Variants in ABCA13 observed in about 807,000 individuals in gnomAD.
ABCA13 encodes ATP-binding cassette sub-family A member 13.
In ABCA13, 476 loss-of-function variants were observed where a neutral mutation model predicts 478.7. The ratio of observed to expected loss-of-function variants is 0.99; its 90% CI spans 0.92 to 1.07. The LOEUF is 1.07. ABCA13 is among the 50% of genes least tolerant of loss of function. The pLI is 0.00. For synonymous variants in ABCA13, 2,252 were observed against 2,158.9 expected, an observed-to-expected ratio of 1.04 and a Z score of -1.20; for missense variants, 6,060 against 5,910.6, an observed-to-expected ratio of 1.03 and a Z score of -0.83.
chr7:48,583,385 T>G (rs762359124), intron 56 of ABCA13, among the ~76,000 whole-genome samples: 7 of 152,208 alleles, frequency 4.6e-5, no homozygotes, highest in Non-Finnish European at 1.0e-4. Flanking sequence ...CGACTCATTT[T>G]GGTCTTTAAT....
At chr7:48,242,797 A>G (rs536158103) in intron 10 of ABCA13, among the ~76,000 whole-genome samples, 29 of 152,292 alleles carry the variant, frequency 1.9e-4, no homozygotes, top group Admixed American at 1.1e-3. Context: ...AGAAAATTGT[A>G]TATCTTTTAT....
At chr7:48,348,654 C>A (rs777257240) in intron 29 of ABCA13, among the ~76,000 whole-genome samples, 4 of 152,176 alleles carry the variant, frequency 2.6e-5, no homozygotes, top group Non-Finnish European at 4.4e-5. Context: ...GTTAATTGAT[C>A]TTATTTACTA....
At position 48,239,403 on chromosome 7, in the gene ABCA13, C is replaced by A. The variant is rs771029431; in HGVS notation, c.1060C>A (p.Gln354Lys). Residue 354 changes from glutamine to lysine, a missense_variant and splice_region_variant, in exon 9 of 62, where the codon CAG (glutamine) becomes AAG (lysine). By Grantham distance (53) the Gln-to-Lys change is moderately conservative. This residue lies in a region of ABCA13 where 4,423 missense variants were observed against 4,309.1 expected (regional missense o/e 1.03). Transcript: ENST00000435803. ...HAVSWLRVYQ[Q>K]VFVQWQQGSL... ...AGTCAGCTGGCTGCGAGTCTACCAA[C>A]AGGTGCTGTCCCCTCTCTCTATGTT... 1.9e-6 allele frequency: 3 copies of A among 1,611,490 alleles called. No homozygotes were observed. The highest frequency in any genetic ancestry group is 1.1e-5 in the South Asian group (1 of 90,632).
chr7:48,323,388 T>G (rs17712671), intron 27 of ABCA13, among the ~76,000 whole-genome samples: 28,659 of 152,154 alleles, frequency 0.19, 2,889 homozygotes, highest in African/African-American at 0.26. Flanking sequence ...TGGTGTTAAA[T>G]ATACAAGGGA....
chr7:48,533,518 G>T (rs1273838834), intron 55 of ABCA13, among the ~76,000 whole-genome samples: 1 of 151,980 alleles, frequency 6.6e-6, no homozygotes, highest in Non-Finnish European at 1.5e-5. Flanking sequence ...ATTTGTTCTA[G>T]GGTATAGTTT....
At chr7:48,480,421 C>A (rs1263700073) in intron 45 of ABCA13, among the ~76,000 whole-genome samples, 1 of 147,716 alleles carries the variant, frequency 6.8e-6, no homozygotes, top group Non-Finnish European at 1.5e-5. Context: ...AATATATCAT[C>A]TTTTCTGAAA....
intron 27 of ABCA13, among the ~76,000 whole-genome samples, chr7:48,331,021 C>G (rs1805313870): frequency 6.6e-6 from 1 of 152,060 alleles, no homozygotes; most frequent in Non-Finnish European, 1.5e-5. Context: ...CTGCCCCATT[C>G]CCCTTTGATG....
intron 6 of ABCA13, 71 bp downstream of exon 6, chr7:48,227,496 T>A (rs1390831595): frequency 1.3e-5 from 20 of 1,493,432 alleles, no homozygotes. Context: ...AAATGAGAAA[T>A]AAAAATTACT....
chr7:48,172,737 G>C (rs890106757), intron 1 of ABCA13, among the ~76,000 whole-genome samples: 36 of 138,442 alleles, frequency 2.6e-4, no homozygotes, highest in African/African-American at 9.2e-4. Context: ...GGCGGAGCTT[G>C]CAGTGAGCCG....
In ABCA13 at chr7:48,587,187, G is replaced by A. The variant is rs267601532; in HGVS notation, c.14539G>A (p.Glu4847Lys). The A allele has an allele frequency of 8.7e-6, 14 of 1,613,076 alleles. No homozygotes were observed. Among genetic ancestry groups the A allele is most frequent in the Admixed American group, 3.3e-5 (2 of 59,924 alleles). Reference protein sequence around the residue: ...AGDLIRRLHLEAHADKPVATY... With the variant: ...AGDLIRRLHLKAHADKPVATY... The stretch of plus-strand genomic sequence containing the variant: ...AGACCTCATCAGGCGCTTACACCTC[G>A]AAGCCCACGCGGACAAACCTGTGGC... The change falls in exon 57 of 62, where the codon GAA becomes AAA. Residue 4847 changes from glutamate to lysine, a missense_variant. Physicochemically the swap from Glu to Lys is moderately conservative, Grantham distance 56. This residue lies in a region of ABCA13 where 1,627 missense variants were observed against 1,571.0 expected (regional missense o/e 1.04). Coordinates refer to ENST00000435803, the MANE Select transcript of ABCA13 (RefSeq NM_152701.5).
Position 48,274,043 on chromosome 7 carries a change from C to G in ABCA13, c.4377C>G (p.Val1459=). 1 of 1,606,402 alleles carries G rather than the reference C, an allele frequency of 6.2e-7. No individual in the cohort carries two copies. Among genetic ancestry groups the G allele is most frequent in the African/African-American group, 1.3e-5 (1 of 74,704 alleles). The part of the protein sequence containing the change: ...CSSNGSHINC[V]NIYLKDVTDF... ...CAAATGGCTCACATATAAATTGTGT[C>G]AATATTTACTTGAAAGATGTAACTG... Residue 1459 remains valine, a synonymous_variant, in exon 17 of 62, where the codon GTC becomes GTG. Transcript: ENST00000435803.
At chr7:48,569,594 G>A (rs1203257247) in intron 55 of ABCA13, among the ~76,000 whole-genome samples, 2 of 151,962 alleles carry the variant, frequency 1.3e-5, no homozygotes, top group Non-Finnish European at 2.9e-5. Flanking sequence ...GCATGATCTC[G>A]GCTCATTGCA....
intron 58 of ABCA13, among the ~76,000 whole-genome samples, chr7:48,609,485 A>G (rs895114370): frequency 3.9e-5 from 6 of 152,154 alleles, no homozygotes; most frequent in African/African-American, 1.2e-4. Flanking sequence ...GAGTTTATTT[A>G]TCATTGCCTC....
At position 48,279,361 on chromosome 7, in the gene ABCA13, A is replaced by ATAT. The variant is rs762385139; in HGVS notation, c.8171_8173dup (p.Leu2724dup). 1.1e-5 allele frequency: 18 copies of ATAT among 1,589,744 alleles called. No individual in the cohort carries two copies. In the East Asian group the frequency reaches 4.1e-4, roughly 36 times the overall value. On this transcript the variant is annotated inframe_insertion, in exon 18 of 62. Coordinates refer to ENST00000435803, the MANE Select transcript of ABCA13 (RefSeq NM_152701.5). ...TGAAGTGATCCCTTTTTTGGATAAA[A>ATAT]TATTATCACAAAACAGCACAGAAAT...
chr7:48,318,790 T>A (rs1802962060), intron 27 of ABCA13, among the ~76,000 whole-genome samples: 1 of 152,100 alleles, frequency 6.6e-6, no homozygotes, highest in South Asian at 2.1e-4. Context: ...AATGGCTCCA[T>A]ATCACAGCTC....
intron 1 of ABCA13, among the ~76,000 whole-genome samples, chr7:48,182,256 A>G (rs976965232): frequency 6.6e-6 from 1 of 152,202 alleles, no homozygotes; most frequent in Admixed American, 6.5e-5. Flanking sequence ...TACCCTAACG[A>G]TTGGTGCTTA....
rs552926689 is a variant in ABCA13, at chr7:48,471,810, C to T, written c.12975+211C>T. On this transcript the variant is annotated intron_variant, in intron 45 of 61. Coordinates refer to ENST00000435803, the MANE Select transcript of ABCA13 (RefSeq NM_152701.5). Reference sequence around the variant, plus strand: ...ATAGATTGACAGTGCCCCTCTCCTTCATTGCCTTCTGCCTTTGGTCTTTAA... The same window carrying T: ...ATAGATTGACAGTGCCCCTCTCCTTTATTGCCTTCTGCCTTTGGTCTTTAA... Among the ~76,000 whole-genome samples, 10 of 152,306 alleles carry T rather than the reference C, an allele frequency of 6.6e-5. No individual in the cohort carries two copies. The East Asian group carries it at 1.9e-3, about 29-fold the overall frequency.
intron 23 of ABCA13, among the ~76,000 whole-genome samples, 193 bp downstream of exon 23, chr7:48,298,680 G>T (rs1190246887): frequency 6.6e-6 from 1 of 152,218 alleles, no homozygotes; most frequent in East Asian, 1.9e-4. Flanking sequence ...GGGTGTCATT[G>T]TCCCATGCCA....
In ABCA13 at chr7:48,353,831, G is replaced by A. The variant is rs80031271; in HGVS notation, c.10688+1344G>A. ...GTGAACAAAAGGTCAGGAAGAAAGA[G>A]ACTAAGGCGACATTTTCACTCAGGG... On this transcript the variant is annotated intron_variant, in intron 31 of 61. Coordinates refer to ENST00000435803, the MANE Select transcript of ABCA13 (RefSeq NM_152701.5). 3.9e-3 allele frequency among the ~76,000 whole-genome samples: 597 copies of A among 152,082 alleles called. 10 individuals are homozygous for A. Among genetic ancestry groups the A allele is most frequent in the African/African-American group, 0.014 (566 of 41,362 alleles).
Sources: allele counts gnomAD v4.1 joint callset (sites outside exome capture counted in the v4.1 genomes callset), GRCh38; gene constraint gnomAD v4.1.1; regional missense constraint gnomAD v4.1.1; transcripts MANE v1.5; gene names NCBI Gene and HGNC (gene_info 2026-07-23, HGNC 2026-07-21).